EPHA6: variants seen among roughly 807,000 people sequenced by gnomAD.
The protein encoded by EPHA6 is EPH receptor A6, also known as ephrin type-A receptor 6.
Under a neutral mutation model 112.0 loss-of-function variants are expected in EPHA6, and 50 were observed. The observed-to-expected ratio is 0.45, with a 90% CI of 0.36 to 0.56. The LOEUF is 0.56. Ranked by LOEUF, EPHA6 falls within the 20% of genes least tolerant of loss-of-function variation. The pLI is 0.00. For synonymous variants in EPHA6, 529 were observed against 490.7 expected, an observed-to-expected ratio of 1.08 and a Z score of -1.03; for missense variants, 1,280 against 1,417.4, an observed-to-expected ratio of 0.90 and a Z score of 1.56.
At chr3:97,341,089 C>G (rs761598312) in intron 5 of EPHA6, among the ~76,000 whole-genome samples, 4 of 152,124 alleles carry the variant, frequency 2.6e-5, no homozygotes, top group Non-Finnish European at 5.9e-5. Flanking sequence ...GGCCAGAGGC[C>G]GAGTAGGTTC....
chr3:97,705,026 T>C (rs2033603498), intron 14 of EPHA6, among the ~76,000 whole-genome samples: 1 of 152,056 alleles, frequency 6.6e-6, no homozygotes, highest in African/African-American at 2.4e-5. Flanking sequence ...CAAACAAAAA[T>C]GAAAATTTTA....
chr3:97,243,913 C>G (rs2078917217), intron 4 of EPHA6, 39 bp from the exon 5 acceptor site: 1 of 1,439,136 alleles, frequency 6.9e-7, no homozygotes, highest in African/African-American at 1.4e-5. Flanking sequence ...ATTCATTGTC[C>G]TATATATGTA....
intron 2 of EPHA6, among the ~76,000 whole-genome samples, chr3:96,877,429 A>G (rs1186168260): frequency 6.6e-6 from 1 of 152,120 alleles, no homozygotes; most frequent in Non-Finnish European, 1.5e-5. Context: ...ACTTAATAAT[A>G]TACTTTCAAA....
chr3:97,706,844 A>G (rs774997626), intron 14 of EPHA6, among the ~76,000 whole-genome samples: 1 of 148,518 alleles, frequency 6.7e-6, no homozygotes, highest in Non-Finnish European at 1.5e-5. Flanking sequence ...TAGACCCCTT[A>G]CCCTCTGTGC....
At chr3:97,693,027 C>T (rs896439940) in intron 14 of EPHA6, among the ~76,000 whole-genome samples, 1 of 152,114 alleles carries the variant, frequency 6.6e-6, no homozygotes, top group African/African-American at 2.4e-5. Context: ...CGGAGAAGGA[C>T]ACGTGTGGTT....
chr3:96,987,391 A>G lies in EPHA6; in HGVS notation c.512A>G (p.Asn171Ser), dbSNP rs1036380359. 3.7e-6 allele frequency: 6 copies of G among 1,613,912 alleles called. No homozygotes were observed. In the African/African-American group the frequency reaches 4.0e-5, roughly 11 times the overall value. Residue 171 changes from asparagine to serine, a missense_variant, in exon 3 of 18, where the codon AAT becomes AGT. Physicochemically the swap from Asn to Ser is conservative, Grantham distance 46. Transcript: ENST00000389672. ...CCCATTCACACATACCAGGTATGTA[A>G]TGTAATGGAACCAAACCAAAACAAC... ...NRPIHTYQVCNVMEPNQNNWL... is the reference protein window; with the variant it reads ...NRPIHTYQVCSVMEPNQNNWL...
At chr3:96,826,130 T>G (rs2033644448) in intron 1 of EPHA6, among the ~76,000 whole-genome samples, 1 of 151,960 alleles carries the variant, frequency 6.6e-6, no homozygotes, top group African/African-American at 2.4e-5. Flanking sequence ...CATATAGTTA[T>G]TTATTGCTGT....
chr3:97,259,768 C>G (rs2079435997), intron 5 of EPHA6, among the ~76,000 whole-genome samples: 1 of 149,520 alleles, frequency 6.7e-6, no homozygotes, highest in African/African-American at 2.5e-5. Flanking sequence ...GTTGGCAGAC[C>G]AAAAAAGGCT....
Position 97,751,029 on chromosome 3 carries a change from A to G in EPHA6, c.*2328A>G, listed in dbSNP as rs999651079. 3.3e-5 allele frequency among the ~76,000 whole-genome samples: 5 copies of G among 152,126 alleles called. No individual in the cohort carries two copies. Among genetic ancestry groups the G allele is most frequent in the Non-Finnish European group, 5.9e-5 (4 of 68,012 alleles). ...AATTTCCATATTTACCTATCTTCAA[A>G]TATATATTAAATAAGAACAGATATA... On this transcript the variant is annotated 3_prime_UTR_variant, in exon 18 of 18. Transcript: ENST00000389672.
At chr3:97,023,084 C>T (rs1305232443) in intron 3 of EPHA6, among the ~76,000 whole-genome samples, 2 of 152,028 alleles carry the variant, frequency 1.3e-5, no homozygotes, top group Non-Finnish European at 2.9e-5. Flanking sequence ...CTCACTAACT[C>T]TTTTTTGTTT....
chr3:97,278,442 A>G (rs1206332936), intron 5 of EPHA6, among the ~76,000 whole-genome samples: 1 of 152,224 alleles, frequency 6.6e-6, no homozygotes, highest in Non-Finnish European at 1.5e-5. Flanking sequence ...TATAAATTGA[A>G]TAACAGGCTT....
intron 1 of EPHA6, among the ~76,000 whole-genome samples, chr3:96,860,600 A>G (rs1209249354): frequency 6.6e-6 from 1 of 152,128 alleles, no homozygotes; most frequent in Non-Finnish European, 1.5e-5. Flanking sequence ...GGAACATAAG[A>G]AAGGTTAGAA....
At chr3:97,453,864 C>T (rs942058480) in intron 7 of EPHA6, among the ~76,000 whole-genome samples, 14 of 151,516 alleles carry the variant, frequency 9.2e-5, no homozygotes, top group African/African-American at 3.4e-4. Flanking sequence ...TTTTTATGTC[C>T]CCATTTGATG....
In EPHA6 at chr3:97,405,326, G is replaced by A. The variant is rs2087268520; in HGVS notation, c.1731+52G>A. 6.8e-6 allele frequency: 10 copies of A among 1,473,990 alleles called. No homozygotes were observed. The South Asian group carries it at 1.2e-4, about 18-fold the overall frequency. 91.3% of individuals were successfully genotyped at this position (1,473,990 alleles called of 1,614,324 possible). On this transcript the variant is annotated intron_variant, in intron 6 of 17. Transcript: ENST00000389672. ...AAACTACATATATATGCATATATAT[G>A]TATATATTGAGCATGTCGTTATACT...
intron 3 of EPHA6, among the ~76,000 whole-genome samples, chr3:97,144,118 G>C (rs1322272541): frequency 6.6e-6 from 1 of 151,478 alleles, no homozygotes; most frequent in African/African-American, 2.4e-5. Flanking sequence ...GCCTTCCCTG[G>C]CTCTGTTTGT....
chr3:97,185,193 A>G (rs2077092749), intron 3 of EPHA6, among the ~76,000 whole-genome samples: 2 of 152,248 alleles, frequency 1.3e-5, no homozygotes, highest in South Asian at 4.1e-4. Flanking sequence ...AGCAATGGCA[A>G]CAGAAGCCAA....
intron 10 of EPHA6, among the ~76,000 whole-genome samples, chr3:97,490,646 A>T (rs533161736): frequency 3.9e-5 from 6 of 152,242 alleles, no homozygotes; most frequent in Non-Finnish European, 8.8e-5. Context: ...GCTAAGAAAC[A>T]ATAGATGAGA....
chr3:97,646,080 G>A, intron 14 of EPHA6: 3 of 1,450,138 alleles, frequency 2.1e-6, no homozygotes, highest in Non-Finnish European at 1.9e-6. Context: ...AATACGGACA[G>A]AATAGGCATT....
At chr3:96,994,709 G>GTGTATATATATATATATA (rs1363786371) in intron 3 of EPHA6, among the ~76,000 whole-genome samples, 7 of 98,434 alleles carry the variant, frequency 7.1e-5, no homozygotes, top group Admixed American at 3.5e-4. Context: ...GTGTGTGTGT[G>GTGTATATATATATATATA]TATATATATA....
Sources: gnomAD v4.1 joint callset for allele counts (sites outside exome capture counted in the v4.1 genomes callset) on GRCh38, gnomAD v4.1.1 for gene constraint, MANE v1.5 for transcripts, NCBI Gene and HGNC (gene_info 2026-07-23, HGNC 2026-07-21) for gene names.